Variants in CNTNAP2 observed in about 807,000 individuals in gnomAD.
The protein encoded by CNTNAP2 is contactin-associated protein-like 2.
Under a neutral mutation model 155.2 loss-of-function variants are expected in CNTNAP2, and 98 were observed. The ratio of observed to expected loss-of-function variants is 0.63; its 90% confidence interval spans 0.54 to 0.75. The LOEUF (loss-of-function observed/expected upper bound fraction) is 0.75. Ranked by LOEUF, CNTNAP2 falls within the 30% of genes least tolerant of loss-of-function variation. The pLI, the probability that CNTNAP2 is intolerant of heterozygous loss-of-function variation, is 0.00. For synonymous variants in CNTNAP2, 651 were observed against 631.2 expected (o/e 1.03, Z -0.47); for missense variants, 1,727 against 1,688.1 (o/e 1.02, Z -0.40).
chr7:148,125,412 C>A (rs754222083), intron 16 of CNTNAP2, among the ~76,000 whole-genome samples: 13 of 152,052 alleles, frequency 8.5e-5, no homozygotes, highest in East Asian at 7.7e-4. Context: ...TCCCTCCTCC[C>A]GCCCTCCACG....
intron 16 of CNTNAP2, among the ~76,000 whole-genome samples, chr7:148,139,010 T>C (rs1411820483): frequency 6.6e-6 from 1 of 152,218 alleles, no homozygotes; most frequent in Non-Finnish European, 1.5e-5. Flanking sequence ...GTATCTCCCT[T>C]TTGCTTCCTT....
At chr7:146,966,378 A>G (rs1463194848) in intron 3 of CNTNAP2, among the ~76,000 whole-genome samples, 2 of 152,212 alleles carry the variant, frequency 1.3e-5, no homozygotes, top group African/African-American at 2.4e-5. Context: ...ATTCATGTAT[A>G]AAATGGAATT....
intron 20 of CNTNAP2, among the ~76,000 whole-genome samples, chr7:148,265,107 G>GA (rs1367691363): frequency 6.6e-6 from 1 of 152,230 alleles, no homozygotes; most frequent in Admixed American, 6.5e-5. Flanking sequence ...TTTAACAAAA[G>GA]AGAGTAAGTA....
At position 148,021,847 on chromosome 7, in the gene CNTNAP2, G is replaced by A. The variant is rs1051521638; in HGVS notation, c.2383+43858G>A. On this transcript the variant is annotated intron_variant, in intron 15 of 23. Transcript: ENST00000361727. ...TCCAAAGCTGTACCGAGTCAGTGGC[G>A]GAGGCCGGGTGAGCGTGGGGAAGGG... Among the ~76,000 whole-genome samples the A allele has an allele frequency of 1.4e-4, 22 of 152,182 alleles. 1 individual carries two copies. Among genetic ancestry groups the A allele is most frequent in the Admixed American group, 1.3e-4 (2 of 15,286 alleles).
intron 13 of CNTNAP2, among the ~76,000 whole-genome samples, chr7:147,899,002 T>C (rs1440707156): frequency 6.6e-6 from 1 of 152,206 alleles, no homozygotes; most frequent in Non-Finnish European, 1.5e-5. Flanking sequence ...CCATTGTATG[T>C]ATACACAAAT....
chr7:148,091,535 T>C (rs1242171515), intron 15 of CNTNAP2, among the ~76,000 whole-genome samples: 1 of 152,180 alleles, frequency 6.6e-6, no homozygotes, highest in East Asian at 1.9e-4. Context: ...AAATCATGAA[T>C]TAAAAAGGCA....
chr7:148,099,347 T>C (rs1302486291), intron 15 of CNTNAP2, among the ~76,000 whole-genome samples: 1 of 151,994 alleles, frequency 6.6e-6, no homozygotes, highest in Non-Finnish European at 1.5e-5. Flanking sequence ...TTTAGAATGT[T>C]AATGGAATAA....
At chr7:146,601,643 A>G (rs114967885) in intron 1 of CNTNAP2, among the ~76,000 whole-genome samples, 2,929 of 152,242 alleles carry the variant, frequency 0.019, 112 homozygotes, top group African/African-American at 0.066. Flanking sequence ...GAAGTATGCA[A>G]AAAAATCTGC....
Position 147,958,577 on chromosome 7 carries a change from G to C in CNTNAP2, c.2256-19285G>C, listed in dbSNP as rs1801064166. Among the ~76,000 whole-genome samples, 3 of 152,122 alleles carry C rather than the reference G, an allele frequency of 2.0e-5. No individual in the cohort carries two copies. The South Asian group carries it at 6.2e-4, about 32-fold the overall frequency. On this transcript the variant is annotated intron_variant, in intron 14 of 23. Coordinates refer to ENST00000361727, the MANE Select transcript of CNTNAP2 (RefSeq NM_014141.6). Reference sequence around the variant, plus strand: ...GGTAGATATTTTCTTCTTCATGGGAGTGGAATTCCTTTTACAGGTTGATTC... The same window carrying C: ...GGTAGATATTTTCTTCTTCATGGGACTGGAATTCCTTTTACAGGTTGATTC...
intron 9 of CNTNAP2, among the ~76,000 whole-genome samples, chr7:147,366,329 T>C (rs1489433552): frequency 6.6e-6 from 1 of 152,156 alleles, no homozygotes; most frequent in Non-Finnish European, 1.5e-5. Flanking sequence ...GTCTTATCTT[T>C]CCAGAGAATA....
At chr7:147,626,700 G>T (rs980152177) in intron 12 of CNTNAP2, among the ~76,000 whole-genome samples, 2 of 152,142 alleles carry the variant, frequency 1.3e-5, no homozygotes, top group Non-Finnish European at 2.9e-5. Context: ...CCTTCTGGTT[G>T]GAGGCCAACC....
intron 4 of CNTNAP2, among the ~76,000 whole-genome samples, chr7:147,097,050 A>G (rs1343877175): frequency 6.6e-6 from 1 of 152,212 alleles, no homozygotes; most frequent in African/African-American, 2.4e-5. Context: ...GTTGTAATAT[A>G]TTGCACCATA....
chr7:148,374,653 T>G (rs1397808798), intron 21 of CNTNAP2, among the ~76,000 whole-genome samples: 1 of 152,222 alleles, frequency 6.6e-6, no homozygotes, highest in Non-Finnish European at 1.5e-5. Flanking sequence ...TATTTTTCTG[T>G]ACTACATTTC....
intron 2 of CNTNAP2, among the ~76,000 whole-genome samples, chr7:146,816,050 T>C (rs1214092761): frequency 1.3e-5 from 2 of 152,180 alleles, no homozygotes; most frequent in Non-Finnish European, 2.9e-5. Context: ...CTCAGAATGA[T>C]AGTTGCCAGC....
chr7:148,182,213 CTT>C (rs1427289172), intron 18 of CNTNAP2, among the ~76,000 whole-genome samples: 1 of 152,190 alleles, frequency 6.6e-6, no homozygotes, highest in Non-Finnish European at 1.5e-5. Flanking sequence ...AAATAACACT[CTT>C]TATCTTTTCC....
chr7:148,211,430 C>T (rs1434675583), intron 18 of CNTNAP2, among the ~76,000 whole-genome samples: 1 of 152,206 alleles, frequency 6.6e-6, no homozygotes, highest in Non-Finnish European at 1.5e-5. Context: ...GAGCGACTAC[C>T]TTGCTGACTG....
At chr7:147,045,146 A>G (rs1258669700) in intron 4 of CNTNAP2, among the ~76,000 whole-genome samples, 1 of 152,130 alleles carries the variant, frequency 6.6e-6, no homozygotes, top group Non-Finnish European at 1.5e-5. Flanking sequence ...CCCTGGGGGA[A>G]CAAAGATGCT....
chr7:146,167,369 G>T (rs1356132095), intron 1 of CNTNAP2, among the ~76,000 whole-genome samples: 1 of 152,210 alleles, frequency 6.6e-6, no homozygotes, highest in Admixed American at 6.5e-5. Flanking sequence ...AAGACTTTCA[G>T]ATGGCCACAA....
intron 7 of CNTNAP2, among the ~76,000 whole-genome samples, chr7:147,130,796 G>A (rs1439466363): frequency 6.6e-6 from 1 of 151,938 alleles, no homozygotes. Flanking sequence ...CCGTTACTCT[G>A]GAAGGATCTT....
Sources: allele counts gnomAD v4.1 joint callset (sites outside exome capture counted in the v4.1 genomes callset), GRCh38; gene constraint gnomAD v4.1.1; transcripts MANE v1.5; gene names NCBI Gene and HGNC (gene_info 2026-07-23, HGNC 2026-07-21).